LIFR: variants seen among roughly 807,000 people sequenced by gnomAD.
LIFR encodes the protein leukemia inhibitory factor receptor.
A neutral mutation model predicts 122.2 loss-of-function variants in LIFR; 84 were observed. That is an observed-to-expected ratio of 0.69 (90% CI 0.58 to 0.82). The LOEUF (loss-of-function observed/expected upper bound fraction) is 0.82. LIFR is among the 40% of genes least tolerant of loss of function. The pLI is 0.00. For synonymous variants in LIFR, 422 were observed against 434.7 expected (o/e 0.97, Z 0.36); for missense variants, 1,294 against 1,311.6 (o/e 0.99, Z 0.21).
At chr5:38,522,568 G>A (rs546042773) in intron 5 of LIFR, among the ~76,000 whole-genome samples, 1 of 151,840 alleles carries the variant, frequency 6.6e-6, no homozygotes, top group Non-Finnish European at 1.5e-5. Flanking sequence ...TATTACAATT[G>A]CCTCCATTAT....
rs182437124 is a variant in LIFR, at chr5:38,479,776, C to T, written c.*1819G>A. On this transcript the variant is annotated 3_prime_UTR_variant, in exon 20 of 20. Transcript: ENST00000453190. ...CTAAGGGAAGGAGCCAAAGAGGATA[C>T]AAAGGAAGACAAGAGAACACTCTTT... is the stretch of plus-strand genomic sequence containing the variant. 8.7e-6 allele frequency: 2 copies of T among 231,154 alleles called. No homozygotes were observed. Among genetic ancestry groups the T allele is most frequent in the Admixed American group, 5.7e-5 (1 of 17,690 alleles). The allele number at this position is 231,154 out of a possible 1,614,324, so 14.3% of individuals were successfully genotyped here. A position where few individuals can be genotyped will look rare whatever the true frequency, so the allele number is the denominator to read the frequency against.
At chr5:38,570,562 G>C (rs950293918) in intron 1 of LIFR, among the ~76,000 whole-genome samples, 1 of 151,924 alleles carries the variant, frequency 6.6e-6, no homozygotes, top group Non-Finnish European at 1.5e-5. Flanking sequence ...GCACTTTCCC[G>C]GTGTTGCAAG....
chr5:38,552,306 A>G (rs530357071), intron 1 of LIFR, among the ~76,000 whole-genome samples: 12 of 152,368 alleles, frequency 7.9e-5, no homozygotes, highest in South Asian at 4.1e-4. Flanking sequence ...TTAGACATCT[A>G]TAACAATTGC....
intron 1 of LIFR, among the ~76,000 whole-genome samples, chr5:38,586,613 C>T (rs942920042): frequency 1.3e-5 from 2 of 152,120 alleles, no homozygotes. Context: ...TTCCTATAGG[C>T]ACCACTCATA....
Position 38,530,670 on chromosome 5 carries a change from G to A in LIFR, c.-19-4C>T. 1 of 1,612,758 alleles carries A rather than the reference G, an allele frequency of 6.2e-7. No homozygotes were observed. Among genetic ancestry groups the A allele is most frequent in the Non-Finnish European group, 8.5e-7 (1 of 1,178,806 alleles). ...CATCTGTGCAATGCAGTCAGTCCTA[G>A]GTTAGGAGAGGAATTCCAGATGGTG... On this transcript the variant is annotated splice_region_variant and splice_polypyrimidine_tract_variant and intron_variant, in intron 1 of 19. Transcript: ENST00000453190.
intron 1 of LIFR, among the ~76,000 whole-genome samples, chr5:38,590,602 G>C (rs1749891446): frequency 6.6e-6 from 1 of 152,124 alleles, no homozygotes; most frequent in South Asian, 2.1e-4. Flanking sequence ...TTTATGAAGA[G>C]CTTATTGCAT....
At chr5:38,556,817 G>T (rs1455117669), upstream of LIFR, 4 of 149,324 alleles carry the variant, frequency 2.7e-5, no homozygotes, top group African/African-American at 4.9e-5. Flanking sequence ...TCGGAGGAAC[G>T]CGGCCGCGCG....
chr5:38,511,686 C>A (rs1025976980), intron 6 of LIFR, 104 bp downstream of exon 6: 32 of 1,108,132 alleles, frequency 2.9e-5, no homozygotes, highest in Non-Finnish European at 3.9e-5. Flanking sequence ...AATCCTCATG[C>A]AGCTGAATGA....
chr5:38,563,707 G>A (rs1156722101), intron 1 of LIFR, among the ~76,000 whole-genome samples: 2 of 152,128 alleles, frequency 1.3e-5, no homozygotes, highest in Non-Finnish European at 2.9e-5. Context: ...AATCCTGCAA[G>A]TTACAGGGAG....
intron 1 of LIFR, among the ~76,000 whole-genome samples, chr5:38,567,516 T>TATTTATTTATG (rs1749063569): frequency 8.4e-5 from 12 of 142,828 alleles, no homozygotes; most frequent in African/African-American, 2.9e-4. Flanking sequence ...ATTTATTTAT[T>TATTTATTTATG]TATTTATTTA....
rs1420370252 is a variant in LIFR, at chr5:38,484,481, G to A, written c.2591+294C>T. Among the ~76,000 whole-genome samples, 4 of 152,138 alleles carry A rather than the reference G, an allele frequency of 2.6e-5. No homozygotes were observed. In the East Asian group the frequency reaches 7.7e-4, roughly 29 times the overall value. On this transcript the variant is annotated intron_variant, in intron 18 of 19. Coordinates refer to ENST00000453190, the MANE Select transcript of LIFR (RefSeq NM_001127671.2). ...TAATCATTAAATTATGCTTAATCTT[G>A]TAGATAGCTATTGCCATATTTCAGC...
At chr5:38,515,477 G>A (rs962953420) in intron 5 of LIFR, among the ~76,000 whole-genome samples, 13 of 152,090 alleles carry the variant, frequency 8.5e-5, no homozygotes, top group Non-Finnish European at 1.8e-4. Context: ...ATAATATAAG[G>A]AGTGTACAAA....
intron 12 of LIFR, among the ~76,000 whole-genome samples, chr5:38,498,348 T>C (rs190167756): frequency 6.6e-6 from 1 of 152,304 alleles, no homozygotes; most frequent in East Asian, 1.9e-4. Context: ...GTTCTATGCA[T>C]GCTGCTGTCA....
At chr5:38,598,245 AT>A (rs1396004381), upstream of LIFR, among the ~76,000 whole-genome samples, 45 of 46,792 alleles carry the variant, frequency 9.6e-4, no homozygotes, top group Non-Finnish European at 1.2e-3. Flanking sequence ...TTATTTATTT[AT>A]TTTTTTTTTT....
In LIFR at chr5:38,527,254, T is replaced by C; in HGVS notation, c.298A>G (p.Ile100Val). 1 of 1,599,602 alleles carries C rather than the reference T, an allele frequency of 6.3e-7. No individual in the cohort carries two copies. Among genetic ancestry groups the C allele is most frequent in the Non-Finnish European group, 8.6e-7 (1 of 1,167,452 alleles). Residue 100 changes from isoleucine (I) to valine (V), a missense_variant, in exon 4 of 20, where the codon ATT becomes GTT. Ile to Val is a conservative substitution (Grantham distance 29, BLOSUM62 3). Transcript: ENST00000453190. ...CYQLEKTSIK[I>V]PALSHGDYEI... ...TAATCACCATGTGAAAGAGCTGGAA[T>C]TTTAATACTGGTTTTCTCCAACTGA...
At chr5:38,527,424 A>G (rs1746749900) in intron 3 of LIFR, 130 bp from the exon 4 acceptor site, 1 of 644,070 alleles carries the variant, frequency 1.6e-6, no homozygotes, top group East Asian at 2.8e-5. Flanking sequence ...GATAGGTTGT[A>G]CCGCATTTTA....
At chr5:38,484,672 TACA>T (rs1359789881) in intron 18 of LIFR, 100 bp downstream of exon 18, 23 of 769,224 alleles carry the variant, frequency 3.0e-5, no homozygotes, top group Non-Finnish European at 4.9e-5. Context: ...ACTAACTTAT[TACA>T]ACAAAAAAGA....
At position 38,526,902 on chromosome 5, in the gene LIFR, C is replaced by T. The variant is rs989224903; in HGVS notation, c.397+253G>A. ...GGCATCTGAGAAATTCTGGAAGGTACGCAGGAGTCAAGGGGGCTAAAGAAA... is the reference window on the plus strand; with the variant it reads ...GGCATCTGAGAAATTCTGGAAGGTATGCAGGAGTCAAGGGGGCTAAAGAAA... On this transcript the variant is annotated intron_variant, in intron 4 of 19. Transcript: ENST00000453190. Among the ~76,000 whole-genome samples, 11 of 152,016 alleles carry T rather than the reference C, an allele frequency of 7.2e-5. No individual in the cohort carries two copies. The South Asian group carries it at 1.2e-3, about 17-fold the overall frequency.
chr5:38,480,972 C>A lies in LIFR; in HGVS notation c.*623G>T. 4.5e-6 allele frequency: 1 copy of A among 221,370 alleles called. No individual in the cohort carries two copies. Among genetic ancestry groups the A allele is most frequent in the East Asian group, 6.7e-5 (1 of 14,954 alleles). 13.7% of individuals were successfully genotyped at this position (221,370 alleles called of 1,614,324 possible). Reference sequence around the variant, plus strand: ...GTTTTCAAAGTTTGTACCCCTGAGACAACTGTTTGATAACCATTATACAGT... The same window carrying A: ...GTTTTCAAAGTTTGTACCCCTGAGAAAACTGTTTGATAACCATTATACAGT... On this transcript the variant is annotated 3_prime_UTR_variant, in exon 20 of 20. Coordinates refer to ENST00000453190, the MANE Select transcript of LIFR (RefSeq NM_001127671.2).
Sources: gnomAD v4.1 joint callset for allele counts (sites outside exome capture counted in the v4.1 genomes callset) on GRCh38, gnomAD v4.1.1 for gene constraint, MANE v1.5 for transcripts, NCBI Gene and HGNC (gene_info 2026-07-23, HGNC 2026-07-21) for gene names.